Variants in GRID1 observed in about 807,000 individuals in gnomAD.
GRID1 encodes glutamate receptor ionotropic, delta-1.
Under a neutral mutation model 98.0 loss-of-function variants are expected in GRID1, and 28 were observed. The ratio of observed to expected loss-of-function variants is 0.29; its 90% CI spans 0.21 to 0.39. GRID1 has a LOEUF of 0.39. Among genes scored for constraint, GRID1 ranks in the 10% least tolerant of loss-of-function variants. GRID1 has a pLI of 1.00. For missense variants in GRID1, 1,111 were observed against 1,340.5 expected (o/e 0.83, Z 2.67); for synonymous variants, 553 against 538.5 (o/e 1.03, Z -0.37).
intron 8 of GRID1, among the ~76,000 whole-genome samples, chr10:85,751,266 C>T (rs184530591): frequency 1.3e-5 from 2 of 152,284 alleles, no homozygotes; most frequent in Non-Finnish European, 2.9e-5. Context: ...ATAAATGACA[C>T]AAGTCACATG....
intron 2 of GRID1, among the ~76,000 whole-genome samples, chr10:86,266,291 T>C (rs1195010660): frequency 6.6e-6 from 1 of 151,860 alleles, no homozygotes; most frequent in Non-Finnish European, 1.5e-5. Flanking sequence ...AGTGACGCCA[T>C]CAGAAAGCTC....
chr10:85,824,223 C>G (rs1192158444), intron 8 of GRID1, among the ~76,000 whole-genome samples: 2 of 152,114 alleles, frequency 1.3e-5, no homozygotes, highest in Non-Finnish European at 2.9e-5. Flanking sequence ...GAGATGGAGT[C>G]TTGCCTTGTC....
chr10:86,281,706 G>T (rs1476115052), intron 2 of GRID1, among the ~76,000 whole-genome samples: 1 of 152,144 alleles, frequency 6.6e-6, no homozygotes, highest in Non-Finnish European at 1.5e-5. Flanking sequence ...CCTTCATTGG[G>T]CATCAGGATC....
chr10:85,977,799 C>T (rs1282567752), intron 4 of GRID1, among the ~76,000 whole-genome samples: 3 of 152,162 alleles, frequency 2.0e-5, no homozygotes, highest in African/African-American at 4.8e-5. Flanking sequence ...ACCTCCCCGC[C>T]GACCCAGTGA....
At chr10:85,660,209 C>A (rs1380788502) in intron 12 of GRID1, among the ~76,000 whole-genome samples, 1 of 152,208 alleles carries the variant, frequency 6.6e-6, no homozygotes, top group African/African-American at 2.4e-5. Context: ...TCAATGGGAG[C>A]CCACCTATGC....
chr10:86,066,771 T>C (rs1296557492), intron 4 of GRID1, among the ~76,000 whole-genome samples: 1 of 152,238 alleles, frequency 6.6e-6, no homozygotes, highest in Admixed American at 6.5e-5. Context: ...TGCTCTTTCC[T>C]GTCATCAGGC....
At chr10:85,963,101 T>C (rs964321962) in intron 4 of GRID1, among the ~76,000 whole-genome samples, 1 of 152,136 alleles carries the variant, frequency 6.6e-6, no homozygotes, top group Non-Finnish European at 1.5e-5. Flanking sequence ...TTTATTTACT[T>C]CCCTTGCTGT....
chr10:86,183,519 C>G (rs1440823019), intron 3 of GRID1, among the ~76,000 whole-genome samples: 2 of 152,148 alleles, frequency 1.3e-5, no homozygotes, highest in Non-Finnish European at 1.5e-5. Context: ...GCCACCATAC[C>G]CCGCTGATTT....
At chr10:85,883,073 G>A (rs1447918248) in intron 5 of GRID1, among the ~76,000 whole-genome samples, 10 of 152,096 alleles carry the variant, frequency 6.6e-5, no homozygotes, top group South Asian at 4.1e-4. Flanking sequence ...TATGTAGGAC[G>A]TTTTCATTCT....
At chr10:85,769,139 A>T (rs4934130) in intron 8 of GRID1, among the ~76,000 whole-genome samples, 1 of 152,212 alleles carries the variant, frequency 6.6e-6, no homozygotes, top group East Asian at 1.9e-4. Flanking sequence ...AATAACTGCA[A>T]GAAAAATGGT....
intron 8 of GRID1, among the ~76,000 whole-genome samples, chr10:85,730,614 A>G (rs886430224): frequency 1.8e-4 from 28 of 152,242 alleles, no homozygotes; most frequent in African/African-American, 6.7e-4. Context: ...CTTTATAATG[A>G]AGTGTACTGA....
intron 2 of GRID1, among the ~76,000 whole-genome samples, chr10:86,298,048 ATCT>A (rs1236843949): frequency 2.0e-5 from 3 of 152,224 alleles, no homozygotes; most frequent in Non-Finnish European, 4.4e-5. Flanking sequence ...TGACCCAATA[ATCT>A]TCTTCTGAGA....
intron 2 of GRID1, among the ~76,000 whole-genome samples, chr10:86,222,747 C>T (rs1846277185): frequency 6.6e-6 from 1 of 152,138 alleles, no homozygotes; most frequent in Non-Finnish European, 1.5e-5. Context: ...TATGCCATTC[C>T]CCAAGTTGGA....
chr10:86,208,667 A>C (rs1846067917), intron 2 of GRID1, among the ~76,000 whole-genome samples: 1 of 152,170 alleles, frequency 6.6e-6, no homozygotes, highest in African/African-American at 2.4e-5. Flanking sequence ...CATGAGCCAC[A>C]TGTTGCCTGT....
At chr10:86,055,166 G>A (rs898861459) in intron 4 of GRID1, among the ~76,000 whole-genome samples, 5 of 152,232 alleles carry the variant, frequency 3.3e-5, no homozygotes, top group African/African-American at 2.4e-5. Flanking sequence ...CCCAGCTGAC[G>A]TGTAGTATCA....
At chr10:86,057,057 T>A (rs7073699) in intron 4 of GRID1, among the ~76,000 whole-genome samples, 5,907 of 152,228 alleles carry the variant, frequency 0.039, 394 homozygotes, top group African/African-American at 0.13. Flanking sequence ...CAGGCTGCAT[T>A]CCAACTAACA....
chr10:85,845,433 T>C (rs73334797), intron 8 of GRID1, among the ~76,000 whole-genome samples: 1 of 152,226 alleles, frequency 6.6e-6, no homozygotes, highest in African/African-American at 2.4e-5. Flanking sequence ...AGGGGTATAC[T>C]ATATTCATGA....
At chr10:85,883,151 A>C (rs956597177) in intron 5 of GRID1, among the ~76,000 whole-genome samples, 18 of 152,066 alleles carry the variant, frequency 1.2e-4, no homozygotes, top group African/African-American at 4.1e-4. Flanking sequence ...ATTCTAAACA[A>C]TTTCTTCATA....
intron 4 of GRID1, among the ~76,000 whole-genome samples, chr10:85,920,454 C>T (rs564078492): frequency 6.6e-6 from 1 of 152,270 alleles, no homozygotes; most frequent in African/African-American, 2.4e-5. Flanking sequence ...TCCTTCCTTC[C>T]TTCATTCAAC....
Sources: gnomAD v4.1 joint callset for allele counts (sites outside exome capture counted in the v4.1 genomes callset) on GRCh38, gnomAD v4.1.1 for gene constraint, MANE v1.5 for transcripts, NCBI Gene and HGNC (gene_info 2026-07-23, HGNC 2026-07-21) for gene names.